UBR4: variants seen among roughly 807,000 people sequenced by gnomAD.
UBR4 encodes E3 ubiquitin-protein ligase UBR4.
UBR4 carries 124 observed loss-of-function variants against 575.6 expected under a neutral mutation model. That is an observed-to-expected ratio of 0.22 (90% CI 0.19 to 0.25). The LOEUF (loss-of-function observed/expected upper bound fraction) is 0.25, where lower values mean the gene tolerates loss of function less well. Among genes scored for constraint, UBR4 ranks in the 10% least tolerant of loss-of-function variants. The pLI, the probability that UBR4 is intolerant of heterozygous loss-of-function variation, is 1.00. For missense variants in UBR4, 4,818 were observed against 6,478.8 expected, an observed-to-expected ratio of 0.74 and a Z score of 8.80; for synonymous variants, 2,455 against 2,473.7, an observed-to-expected ratio of 0.99 and a Z score of 0.22.
intron 97 of UBR4, 145 bp downstream of exon 97, chr1:19,092,674 A>G (rs2077640006): frequency 1.6e-6 from 1 of 606,550 alleles, no homozygotes; most frequent in Non-Finnish European, 2.7e-6. Context: ...TACTTCTCTC[A>G]GCACACATAG....
Position 19,101,647 on chromosome 1 carries a change from A to G in UBR4, c.12902-6T>C. 6.3e-7 allele frequency: 1 copy of G among 1,598,438 alleles called. No individual in the cohort carries two copies. On this transcript the variant is annotated splice_region_variant and splice_polypyrimidine_tract_variant and intron_variant, in intron 87 of 105. Coordinates refer to ENST00000375254, the MANE Select transcript of UBR4 (RefSeq NM_020765.3). ...CTTGGTTTCTGATTCTGTACCTGCC[A>G]GAAATCAAAGCGGCCAAGTTAGGAA...
chr1:19,112,422 G>A, intron 78 of UBR4, 102 bp downstream of exon 78: 1 of 1,315,768 alleles, frequency 7.6e-7, no homozygotes, highest in Non-Finnish European at 1.0e-6. Flanking sequence ...CTAACTTGCT[G>A]GGTGGTCAGA....
In UBR4 at chr1:19,193,466, A is replaced by G; in HGVS notation, c.1110T>C (p.Tyr370=). The G allele has an allele frequency of 6.2e-7, 1 of 1,614,158 alleles. No homozygotes were observed. Among genetic ancestry groups the G allele is most frequent in the Non-Finnish European group, 8.5e-7 (1 of 1,180,010 alleles). Residue 370 remains tyrosine, a synonymous_variant, in exon 9 of 106, where the codon TAT becomes TAC. Transcript: ENST00000375254. ...TGSTSSKEDD[Y]ESDAATIVQK... is the part of the protein sequence containing the mutation. ...GGACAATTGTAGCTGCGTCACTTTC[A>G]TAGTCATCTTCTTTGGAGCTCGTGG...
At chr1:19,132,517 T>C (rs1253602682) in intron 60 of UBR4, among the ~76,000 whole-genome samples, 3 of 145,270 alleles carry the variant, frequency 2.1e-5, no homozygotes, top group Non-Finnish European at 4.5e-5. Flanking sequence ...AAAATACATA[T>C]GATTAAATGA....
At position 19,086,187 on chromosome 1, in the gene UBR4, C is replaced by T; in HGVS notation, c.14771G>A (p.Gly4924Glu). 1 of 1,614,122 alleles carries T rather than the reference C, an allele frequency of 6.2e-7. No homozygotes were observed. The highest frequency in any genetic ancestry group is 8.5e-7 in the Non-Finnish European group (1 of 1,180,034). The change falls in exon 101 of 106, where the codon GGA (glycine) becomes GAA (glutamate). Residue 4924 changes from glycine (G) to glutamate (E), a missense_variant. By Grantham distance (98) the Gly-to-Glu change is moderately conservative. This residue lies in a region of UBR4 where 196 missense variants were observed against 386.8 expected (regional missense o/e 0.51). Coordinates refer to ENST00000375254, the MANE Select transcript of UBR4 (RefSeq NM_020765.3). ...TKCNGLLPVWGPHVPESAFAT... is the reference protein window; with the variant it reads ...TKCNGLLPVWEPHVPESAFAT... ...AAAAGCTGATTCAGGGACATGAGGT[C>T]CCCAGACCGGAAGGAGCCCGTTGCA...
At position 19,128,135 on chromosome 1, in the gene UBR4, C is replaced by T. The variant is rs2082024979; in HGVS notation, c.9111+76G>A. On this transcript the variant is annotated intron_variant, in intron 62 of 105. Transcript: ENST00000375254. ...CCCCTTGAAACGAGGTGAAGTTCCT[C>T]TATGAAACGAATGGGAACCTGAGAA... 3 of 1,396,680 alleles carry T rather than the reference C, an allele frequency of 2.1e-6. No individual in the cohort carries two copies. The Admixed American group carries it at 5.1e-5, about 24-fold the overall frequency. 86.5% of individuals were successfully genotyped at this position (1,396,680 alleles called of 1,614,324 possible). A position where few individuals can be genotyped will look rare whatever the true frequency, so the allele number is the denominator to read the frequency against.
chr1:19,075,643 G>C (rs534353938), intron 105 of UBR4: 8 of 153,098 alleles, frequency 5.2e-5, no homozygotes, highest in Admixed American at 3.3e-4. Context: ...TCCCAGCACA[G>C]AGCTTCCGCT....
Position 19,177,567 on chromosome 1 carries a change from A to G in UBR4, c.2531T>C (p.Met844Thr), listed in dbSNP as rs767205823. Residue 844 changes from methionine to threonine, a missense_variant, in exon 19 of 106, where the codon ATG becomes ACG. Met to Thr is a moderately conservative substitution (Grantham distance 81, BLOSUM62 -1). This residue lies in a region of UBR4 where 1,172 missense variants were observed against 1,259.7 expected (regional missense o/e 0.93). Transcript: ENST00000375254. The stretch of plus-strand genomic sequence containing the variant: ...CGGCACGAAGCGCATCTGAGCATCC[A>G]TGTTGACGCTCAACTCCTGGATGAT... ...VQIIQELSVN[M>T]DAQMRFVPLI... 6.2e-7 allele frequency: 1 copy of G among 1,613,258 alleles called. No individual in the cohort carries two copies. The highest frequency in any genetic ancestry group is 1.1e-5 in the South Asian group (1 of 91,000).
chr1:19,092,073 C>T (rs769869556), intron 97 of UBR4, among the ~76,000 whole-genome samples: 12 of 152,008 alleles, frequency 7.9e-5, no homozygotes, highest in African/African-American at 2.9e-4. Flanking sequence ...GAGAACACAT[C>T]GGTGGGTGCC....
chr1:19,114,124 CT>C, intron 75 of UBR4, 54 bp from the exon 76 acceptor site: 1 of 1,585,038 alleles, frequency 6.3e-7, no homozygotes, highest in Non-Finnish European at 8.6e-7. Context: ...ATGACTTTCC[CT>C]GAGTAATCCT....
intron 60 of UBR4, among the ~76,000 whole-genome samples, chr1:19,132,317 G>C (rs918173652): frequency 2.0e-5 from 3 of 151,940 alleles, no homozygotes; most frequent in Middle Eastern, 3.4e-3. Context: ...AAGTAGCTGG[G>C]ATTACAGGTG....
In UBR4 at chr1:19,120,251, A is replaced by G; in HGVS notation, c.10239T>C (p.Arg3413=). 6.2e-7 allele frequency: 1 copy of G among 1,614,120 alleles called. No homozygotes were observed. The highest frequency in any genetic ancestry group is 8.5e-7 in the Non-Finnish European group (1 of 1,180,014). ...AAGAATTGGACTCTAACAGGAAACA[A>G]CGCAGGAACTGGATCAGGGTTTCCT... is the stretch of plus-strand genomic sequence containing the variant. ...ADKETLIQFL[R]CFLLESNSSS... Residue 3413 remains arginine, a synonymous_variant, in exon 69 of 106, where the codon CGT becomes CGC. Transcript: ENST00000375254.
intron 73 of UBR4, among the ~76,000 whole-genome samples, chr1:19,116,089 T>C (rs1014546485): frequency 4.6e-5 from 7 of 152,194 alleles, no homozygotes; most frequent in African/African-American, 1.7e-4. Context: ...AAGAGGAAGG[T>C]ATGTAATAAT....
chr1:19,121,793 T>C (rs1461856200), intron 67 of UBR4, 141 bp downstream of exon 67: 4 of 1,065,506 alleles, frequency 3.8e-6, no homozygotes, highest in Non-Finnish European at 5.4e-6. Context: ...TTACTTGTCT[T>C]CTTTGCTAGA....
intron 60 of UBR4, among the ~76,000 whole-genome samples, chr1:19,132,018 G>C (rs778808889): frequency 1.2e-4 from 18 of 151,936 alleles, no homozygotes; most frequent in Admixed American, 2.6e-4. Flanking sequence ...ATATCCCATG[G>C]GCCAAAGACT....
At chr1:19,169,553 AAGG>A in intron 26 of UBR4, 21 bp from the exon 27 acceptor site, 1 of 1,604,908 alleles carries the variant, frequency 6.2e-7, no homozygotes, top group Admixed American at 1.7e-5. Flanking sequence ...CAGAAAGGAC[AAGG>A]AATCATCACA....
chr1:19,119,473 T>G, intron 70 of UBR4, 84 bp downstream of exon 70: 1 of 1,543,168 alleles, frequency 6.5e-7, no homozygotes, highest in Non-Finnish European at 8.8e-7. Context: ...TCCCTATATC[T>G]GGGTTGTTCA....
In UBR4 at chr1:19,094,067, G is replaced by A. The variant is rs765455060; in HGVS notation, c.13819C>T (p.Arg4607Cys). 19 of 1,613,948 alleles carry A rather than the reference G, an allele frequency of 1.2e-5. No individual in the cohort carries two copies. Among genetic ancestry groups the A allele is most frequent in the Admixed American group, 5.0e-5 (3 of 59,990 alleles). The part of the protein sequence containing the change: ...LLDQINSTFV[R>C]SNPSVLQGLL... ...CCCTGGAGCACACTGGGGTTGGAGC[G>A]AACAAAGGTGCTGTTGATCTGGTCC... The change falls in exon 95 of 106, where the codon CGC becomes TGC. Residue 4607 changes from arginine (R) to cysteine (C), a missense_variant. This residue lies in a region of UBR4 where 165 missense variants were observed against 282.3 expected (regional missense o/e 0.58). Coordinates refer to ENST00000375254, the MANE Select transcript of UBR4 (RefSeq NM_020765.3).
chr1:19,162,382 A>C lies in UBR4; in HGVS notation c.4956+38T>G. ...CTTGGTACCATGCCAGTTAGTCATTACCTTGAGAGGTTAACTTCGAGGTTA... is the reference window on the plus strand; with the variant it reads ...CTTGGTACCATGCCAGTTAGTCATTCCCTTGAGAGGTTAACTTCGAGGTTA... On this transcript the variant is annotated intron_variant, in intron 35 of 105. Transcript: ENST00000375254. The C allele has an allele frequency of 2.5e-6, 4 of 1,583,650 alleles. No homozygotes were observed. In the South Asian group the frequency reaches 4.7e-5, roughly 19 times the overall value.
Sources: allele counts gnomAD v4.1 joint callset (sites outside exome capture counted in the v4.1 genomes callset), GRCh38; gene constraint gnomAD v4.1.1; regional missense constraint gnomAD v4.1.1; transcripts MANE v1.5; gene names NCBI Gene and HGNC (gene_info 2026-07-23, HGNC 2026-07-21).